CEP152: variants seen among roughly 807,000 people sequenced by gnomAD.
CEP152 encodes centrosomal protein of 152 kDa.
CEP152 carries 132 observed loss-of-function variants against 188.9 expected under a neutral mutation model. The ratio of observed to expected loss-of-function variants is 0.70; its 90% CI spans 0.61 to 0.81. CEP152 has a LOEUF of 0.81. CEP152 is among the 30% of genes least tolerant of loss of function. The pLI, the probability that CEP152 is intolerant of heterozygous loss-of-function variation, is 0.00. For synonymous variants in CEP152, 649 were observed against 666.6 expected (o/e 0.97, Z 0.41); for missense variants, 1,914 against 1,969.8 (o/e 0.97, Z 0.54).
intron 8 of CEP152, among the ~76,000 whole-genome samples, chr15:48,790,684 A>C (rs1171624533): frequency 1.3e-5 from 2 of 152,088 alleles, no homozygotes; most frequent in African/African-American, 4.8e-5. Flanking sequence ...CTGCTGTCTC[A>C]GCCTCCAGAG....
intron 19 of CEP152, among the ~76,000 whole-genome samples, chr15:48,757,378 T>A (rs1443791661): frequency 6.6e-6 from 1 of 152,196 alleles, no homozygotes; most frequent in Non-Finnish European, 1.5e-5. Flanking sequence ...CATAAGGACA[T>A]AATCCATTTA....
chr15:48,782,017 G>T, intron 11 of CEP152, 122 bp downstream of exon 11: 1 of 809,786 alleles, frequency 1.2e-6, no homozygotes, highest in Non-Finnish European at 2.1e-6. Context: ...CAACTCCCAT[G>T]GGCTGGTTTG....
intron 9 of CEP152, among the ~76,000 whole-genome samples, chr15:48,788,458 C>G (rs941204428): frequency 1.7e-4 from 26 of 151,122 alleles, no homozygotes; most frequent in Admixed American, 4.6e-4. Context: ...CTCAGCCTCC[C>G]GAGTAGCTGG....
At chr15:48,809,377 A>G (rs1056401831) in intron 1 of CEP152, among the ~76,000 whole-genome samples, 7 of 152,190 alleles carry the variant, frequency 4.6e-5, no homozygotes, top group African/African-American at 1.7e-4. Context: ...CCTCTCTTAG[A>G]TAGAGCCACT....
At chr15:48,776,462 A>G (rs371788364) in intron 12 of CEP152, among the ~76,000 whole-genome samples, 18 of 152,266 alleles carry the variant, frequency 1.2e-4, no homozygotes, top group East Asian at 9.6e-4. Context: ...AATATGCATC[A>G]AAGCCCTCAA....
chr15:48,758,130 T>C (rs533820460), intron 19 of CEP152, among the ~76,000 whole-genome samples: 21 of 152,230 alleles, frequency 1.4e-4, no homozygotes, highest in Non-Finnish European at 2.1e-4. Flanking sequence ...ACAGTATTTT[T>C]TAAAGATCCT....
intron 19 of CEP152, among the ~76,000 whole-genome samples, chr15:48,759,790 C>G (rs1308113355): frequency 6.6e-6 from 1 of 152,132 alleles, no homozygotes; most frequent in African/African-American, 2.4e-5. Context: ...TGTTACAAGA[C>G]TACTAACACA....
chr15:48,761,681 C>T (rs2140710023), intron 18 of CEP152, among the ~76,000 whole-genome samples: 1 of 152,214 alleles, frequency 6.6e-6, no homozygotes. Flanking sequence ...ATATAAACCA[C>T]ACAAACAGAA....
chr15:48,798,993 T>C (rs575746687), intron 2 of CEP152, among the ~76,000 whole-genome samples: 1 of 152,322 alleles, frequency 6.6e-6, no homozygotes, highest in African/African-American at 2.4e-5. Flanking sequence ...AAATATTATG[T>C]TACTAAATAC....
Position 48,811,035 on chromosome 15 carries a change from C to T in CEP152, c.-82G>A, listed in dbSNP as rs1898305549. The T allele has an allele frequency of 6.6e-6, 1 of 152,416 alleles. No homozygotes were observed. The highest frequency in any genetic ancestry group is 1.5e-5 in the Non-Finnish European group (1 of 68,188). The allele number at this position is 152,416 out of a possible 1,614,324, so 9.4% of individuals were successfully genotyped here. A position where few individuals can be genotyped will look rare whatever the true frequency, so the allele number is the denominator to read the frequency against. ...GACCAACTTCTAGCAGATCCCCTTACCCTGGCTCTAGTCCACTAGCTCCTT... is the reference window on the plus strand; with the variant it reads ...GACCAACTTCTAGCAGATCCCCTTATCCTGGCTCTAGTCCACTAGCTCCTT... On this transcript the variant is annotated 5_prime_UTR_variant, in exon 1 of 27. Coordinates refer to ENST00000380950, the MANE Select transcript of CEP152 (RefSeq NM_001194998.2).
chr15:48,795,904 T>G (rs1897257116), intron 6 of CEP152, 106 bp downstream of exon 6: 2 of 1,043,862 alleles, frequency 1.9e-6, no homozygotes, highest in African/African-American at 1.6e-5. Context: ...AATTCTATTG[T>G]CATACTTAAA....
intron 13 of CEP152, among the ~76,000 whole-genome samples, chr15:48,770,094 T>C (rs1895416191): frequency 6.6e-6 from 1 of 152,238 alleles, no homozygotes; most frequent in African/African-American, 2.4e-5. Flanking sequence ...TCTGAGAGTT[T>C]TCCTTATCTA....
rs1897366360 is a variant in CEP152 at position 48,797,386 on chromosome 15, G to A, written c.455C>T (p.Pro152Leu). Residue 152 changes from proline (P) to leucine (L), a missense_variant, in exon 5 of 27, where the codon CCA (proline) becomes CTA (leucine). Physicochemically the swap from Pro to Leu is moderately conservative, Grantham distance 98. Coordinates refer to ENST00000380950, the MANE Select transcript of CEP152 (RefSeq NM_001194998.2). ...DLYHLPENFRPYTNGQKQEFN... is the reference protein window; with the variant it reads ...DLYHLPENFRLYTNGQKQEFN... ...TTCCTGCTTCTGACCATTGGTATATGGCCTAAAGTTTTCAGGAAGGTGATA... is the reference window on the plus strand; with the variant it reads ...TTCCTGCTTCTGACCATTGGTATATAGCCTAAAGTTTTCAGGAAGGTGATA... 3.7e-6 allele frequency: 6 copies of A among 1,614,008 alleles called. No individual in the cohort carries two copies. Among genetic ancestry groups the A allele is most frequent in the Admixed American group, 1.7e-5 (1 of 60,014 alleles).
rs1893282917 is a variant in CEP152 at position 48,744,795 on chromosome 15, A to T, written c.3731+101T>A. 3 of 1,084,734 alleles carry T rather than the reference A, an allele frequency of 2.8e-6. No homozygotes were observed. The African/African-American group carries it at 4.8e-5, about 17-fold the overall frequency. 67.2% of individuals were successfully genotyped at this position (1,084,734 alleles called of 1,614,324 possible). A position where few individuals can be genotyped will look rare whatever the true frequency, so the allele number is the denominator to read the frequency against. ...TTTGGGGGATTTTCTTCTTTTTTATACTTTTTGCTGTATAACAAAAAAAAT... is the reference window on the plus strand; with the variant it reads ...TTTGGGGGATTTTCTTCTTTTTTATTCTTTTTGCTGTATAACAAAAAAAAT... On this transcript the variant is annotated intron_variant, in intron 23 of 26. Coordinates refer to ENST00000380950, the MANE Select transcript of CEP152 (RefSeq NM_001194998.2).
intron 12 of CEP152, among the ~76,000 whole-genome samples, chr15:48,774,629 T>C (rs1442448703): frequency 6.6e-6 from 1 of 152,206 alleles, no homozygotes; most frequent in Non-Finnish European, 1.5e-5. Flanking sequence ...CATTCAAGTC[T>C]CACAATGACT....
In CEP152 at chr15:48,775,093, T is replaced by C. The variant is rs548534655; in HGVS notation, c.1578-2402A>G. Among the ~76,000 whole-genome samples, 574 of 151,544 alleles carry C rather than the reference T, an allele frequency of 3.8e-3. 4 individuals carry two copies. The highest frequency in any genetic ancestry group is 0.014 in the African/African-American group (559 of 41,356). The stretch of plus-strand genomic sequence containing the variant: ...CTTGAAAATAGTCCAGTAGCAATTA[T>C]GCAAAATAAAAAGGGAAAAACTATA... On this transcript the variant is annotated intron_variant, in intron 12 of 26. Transcript: ENST00000380950.
chr15:48,808,238 G>T (rs1386272719), intron 1 of CEP152, among the ~76,000 whole-genome samples: 1 of 146,612 alleles, frequency 6.8e-6, no homozygotes, highest in Non-Finnish European at 1.5e-5. Flanking sequence ...ATAATATTCA[G>T]AACAACAAAA....
intron 2 of CEP152, among the ~76,000 whole-genome samples, chr15:48,730,199 G>A (rs1892375845): frequency 6.6e-6 from 1 of 151,924 alleles, no homozygotes; most frequent in Admixed American, 6.5e-5. Context: ...AACAGTGTAG[G>A]AATGACAGTG....
intron 12 of CEP152, 63 bp from the exon 13 acceptor site, chr15:48,772,754 TA>T: frequency 7.1e-7 from 1 of 1,405,900 alleles, no homozygotes; most frequent in East Asian, 2.3e-5. Context: ...GGTTATTCCC[TA>T]AAAGCACTGA....
Sources: allele counts gnomAD v4.1 joint callset (sites outside exome capture counted in the v4.1 genomes callset), GRCh38; gene constraint gnomAD v4.1.1; transcripts MANE v1.5; gene names NCBI Gene and HGNC (gene_info 2026-07-23, HGNC 2026-07-21).